The following KATNIP variants were observed in gnomAD, a reference collection of about 807,000 sequenced individuals.
KATNIP encodes katanin-interacting protein.
A neutral mutation model predicts 174.0 loss-of-function variants in KATNIP; 126 were observed. The observed-to-expected ratio is 0.72, with a 90% CI of 0.63 to 0.84. The LOEUF (loss-of-function observed/expected upper bound fraction) is 0.84. Among genes scored for constraint, KATNIP ranks in the 40% least tolerant of loss-of-function variants. KATNIP has a pLI of 0.00. For synonymous variants in KATNIP, 810 were observed against 835.7 expected (o/e 0.97, Z 0.53); for missense variants, 1,958 against 2,109.7 (o/e 0.93, Z 1.41).
chr16:27,613,599 CT>C (rs1209408753), intron 2 of KATNIP, among the ~76,000 whole-genome samples: 1 of 152,206 alleles, frequency 6.6e-6, no homozygotes, highest in Non-Finnish European at 1.5e-5. Flanking sequence ...CATCTGTGTT[CT>C]GGGAAGATGC....
intron 12 of KATNIP, 131 bp downstream of exon 12, chr16:27,704,129 CCCT>C: frequency 2.9e-6 from 2 of 686,790 alleles, no homozygotes; most frequent in East Asian, 2.7e-5. Flanking sequence ...ACCGCCCCCC[CCCT>C]CCCTGGCACA....
intron 6 of KATNIP, among the ~76,000 whole-genome samples, chr16:27,654,319 T>C (rs920188457): frequency 6.6e-5 from 10 of 152,170 alleles, no homozygotes; most frequent in Non-Finnish European, 1.3e-4. Context: ...TGGCCATCTT[T>C]CTACACTGGT....
chr16:27,662,183 G>A (rs1308138938), intron 6 of KATNIP, among the ~76,000 whole-genome samples: 2 of 146,590 alleles, frequency 1.4e-5, no homozygotes, highest in South Asian at 2.2e-4. Context: ...GTCCGCCTGC[G>A]TAGGCCTCCC....
rs143138756 is a variant in KATNIP at position 27,551,826 on chromosome 16, C to T, written c.7+1649C>T. 7.0e-3 allele frequency among the ~76,000 whole-genome samples: 1,065 copies of T among 152,268 alleles called. 16 individuals carry two copies. Among genetic ancestry groups the T allele is most frequent in the African/African-American group, 0.024 (1,011 of 41,548 alleles). ...CGAGATCTTGCCACTGCACTCCAGC[C>T]TGGGCAACAGGGCGAGACTCTGTCT... On this transcript the variant is annotated intron_variant, in intron 1 of 27. Coordinates refer to ENST00000261588, the MANE Select transcript of KATNIP (RefSeq NM_015202.5).
intron 1 of KATNIP, among the ~76,000 whole-genome samples, chr16:27,572,682 C>T (rs1358861543): frequency 6.6e-6 from 1 of 152,062 alleles, no homozygotes; most frequent in Non-Finnish European, 1.5e-5. Context: ...TCATGGCTGC[C>T]CAGAGGCCCC....
rs746330747 is a variant in KATNIP at position 27,775,097 on chromosome 16, C to T, written c.4449+13C>T. The T allele has an allele frequency of 3.7e-6, 6 of 1,609,072 alleles. No homozygotes were observed. The South Asian group carries it at 4.4e-5, about 12-fold the overall frequency. ...CCTGCCGGGCCTGGTGGGTTCCCGG[C>T]AGCGGCCACCGCAGCTCCTGGCCCT... On this transcript the variant is annotated intron_variant, in intron 24 of 27. Transcript: ENST00000261588.
intron 3 of KATNIP, among the ~76,000 whole-genome samples, chr16:27,619,400 G>A (rs1260578418): frequency 3.9e-5 from 6 of 152,178 alleles, no homozygotes; most frequent in African/African-American, 1.2e-4. Context: ...GAAAAACAAC[G>A]CAGGCCCACA....
Position 27,776,162 on chromosome 16 carries a change from C to T in KATNIP, c.4450-766C>T, listed in dbSNP as rs1454764003. On this transcript the variant is annotated intron_variant, in intron 24 of 27. Coordinates refer to ENST00000261588, the MANE Select transcript of KATNIP (RefSeq NM_015202.5). This position sits in a 1 kb window ranked among gnomAD's most constrained non-coding sequence, Gnocchi z 4.7. ...GACCTTTATTGTTTCCATGGTCCAGCCAGGAGGCTGGCCCTACCCGAGCAG... is the reference window on the plus strand; with the variant it reads ...GACCTTTATTGTTTCCATGGTCCAGTCAGGAGGCTGGCCCTACCCGAGCAG... 6.6e-6 allele frequency among the ~76,000 whole-genome samples: 1 copy of T among 152,172 alleles called. No homozygotes were observed. The highest frequency in any genetic ancestry group is 1.5e-5 in the Non-Finnish European group (1 of 68,030).
intron 12 of KATNIP, 87 bp from the exon 13 acceptor site, chr16:27,708,618 C>G: frequency 9.5e-7 from 1 of 1,049,926 alleles, no homozygotes. Context: ...GGTTAACTAA[C>G]TTTTTGAAGG....
At chr16:27,696,688 A>G (rs1358107607) in intron 8 of KATNIP, among the ~76,000 whole-genome samples, 3 of 150,956 alleles carry the variant, frequency 2.0e-5, no homozygotes, top group African/African-American at 4.9e-5. Flanking sequence ...TTATGGCTGT[A>G]TAGTATTCCG....
At chr16:27,621,390 C>T (rs74637700) in intron 3 of KATNIP, among the ~76,000 whole-genome samples, 294 of 152,248 alleles carry the variant, frequency 1.9e-3, no homozygotes, top group African/African-American at 6.8e-3. Context: ...TCTATACCCT[C>T]GTTTTCCCAT....
chr16:27,709,296 G>C (rs972836704), intron 13 of KATNIP: 1 of 169,312 alleles, frequency 5.9e-6, no homozygotes, highest in Non-Finnish European at 1.3e-5. Flanking sequence ...ACTCCAGTCG[G>C]AGCAACAGAG....
At position 27,690,069 on chromosome 16, in the gene KATNIP, G is replaced by C. The variant is rs556392323; in HGVS notation, c.941-8259G>C. Among the ~76,000 whole-genome samples, 47 of 152,074 alleles carry C rather than the reference G, an allele frequency of 3.1e-4. 1 individual carries two copies. The highest frequency in any genetic ancestry group is 3.1e-3 in the Admixed American group (47 of 15,256). ...TGTAAGCCTAGCACTTTGGGAGTCC[G>C]AGGCGAGAGGATCACTTGAGCCTGG... is the stretch of plus-strand genomic sequence containing the variant. On this transcript the variant is annotated intron_variant, in intron 8 of 27. Coordinates refer to ENST00000261588, the MANE Select transcript of KATNIP (RefSeq NM_015202.5).
intron 6 of KATNIP, among the ~76,000 whole-genome samples, chr16:27,655,338 A>G (rs1440252534): frequency 6.7e-6 from 1 of 149,662 alleles, no homozygotes; most frequent in Non-Finnish European, 1.5e-5. Context: ...GGCTCTAGTG[A>G]TCCTCCCACC....
At chr16:27,643,102 A>T (rs2076852102) in intron 5 of KATNIP, 1 of 152,236 alleles carries the variant, frequency 6.6e-6, no homozygotes, top group Non-Finnish European at 1.5e-5. Flanking sequence ...GAGCTGCAAT[A>T]GGATTGCTGA....
At chr16:27,678,028 C>T in intron 7 of KATNIP, 32 bp downstream of exon 7, 1 of 1,602,506 alleles carries the variant, frequency 6.2e-7, no homozygotes, top group Non-Finnish European at 8.5e-7. Context: ...ATTTCTTTGC[C>T]ATTGGTGTCT....
At chr16:27,754,663 T>C (rs2081647562) in intron 18 of KATNIP, 1 of 160,668 alleles carries the variant, frequency 6.2e-6, no homozygotes, top group East Asian at 1.8e-4. Context: ...AAAGAGTAGA[T>C]GCACAGGCAG....
At chr16:27,669,519 G>T (rs942261545) in intron 6 of KATNIP, among the ~76,000 whole-genome samples, 7 of 152,216 alleles carry the variant, frequency 4.6e-5, no homozygotes, top group African/African-American at 1.7e-4. Context: ...ATTTCTGGAT[G>T]ATGGCTTCAC....
intron 6 of KATNIP, among the ~76,000 whole-genome samples, chr16:27,664,984 G>A (rs1401429377): frequency 2.6e-5 from 4 of 152,190 alleles, no homozygotes; most frequent in Non-Finnish European, 5.9e-5. Context: ...TAAGTAAGGG[G>A]CAGCAGAGAG....
Sources: gnomAD v4.1 joint callset for allele counts (sites outside exome capture counted in the v4.1 genomes callset) on GRCh38, gnomAD v4.1.1 for gene constraint, Gnocchi (gnomAD v3.1) non-coding constraint, MANE v1.5 for transcripts, NCBI Gene and HGNC (gene_info 2026-07-23, HGNC 2026-07-21) for gene names.